KIF26B: variants seen among roughly 807,000 people sequenced by gnomAD.
KIF26B encodes kinesin-like protein KIF26B.
A neutral mutation model predicts 151.2 loss-of-function variants in KIF26B; 63 were observed. The ratio of observed to expected loss-of-function variants is 0.42; its 90% CI spans 0.34 to 0.51. The LOEUF (loss-of-function observed/expected upper bound fraction) is 0.51, where lower values mean the gene tolerates loss of function less well. Among genes scored for constraint, KIF26B ranks in the 20% least tolerant of loss-of-function variants. The pLI is 0.07. For missense variants in KIF26B, 2,813 were observed against 2,913.6 expected, an observed-to-expected ratio of 0.97 and a Z score of 0.79; for synonymous variants, 1,357 against 1,262.1, an observed-to-expected ratio of 1.08 and a Z score of -1.59.
At position 245,350,398 on chromosome 1, in the gene KIF26B, C is replaced by T. The variant is rs12752480; in HGVS notation, c.466-16436C>T. Among the ~76,000 whole-genome samples, 74 of 152,294 alleles carry T rather than the reference C, an allele frequency of 4.9e-4. No homozygotes were observed. The South Asian group carries it at 0.012, about 24-fold the overall frequency. The stretch of plus-strand genomic sequence containing the variant: ...CTCCACAGACCACCATGAAACCCTT[C>T]GACCTTTTCTGAAGTCTGCCTTACG... On this transcript the variant is annotated intron_variant, in intron 2 of 14. Transcript: ENST00000407071.
intron 4 of KIF26B, among the ~76,000 whole-genome samples, chr1:245,425,230 G>A (rs1658596039): frequency 6.6e-6 from 1 of 152,098 alleles, no homozygotes; most frequent in Non-Finnish European, 1.5e-5. Flanking sequence ...AAAACTCTTG[G>A]GTGAAACCCT....
At chr1:245,177,350 AT>A (rs1054374435) in intron 2 of KIF26B, among the ~76,000 whole-genome samples, 2 of 152,026 alleles carry the variant, frequency 1.3e-5, no homozygotes, top group African/African-American at 2.4e-5. Flanking sequence ...AAGAAACCCC[AT>A]TTTTTTACAT....
chr1:245,181,907 T>G lies in KIF26B; in HGVS notation c.465+25224T>G, dbSNP rs1240596681. Among the ~76,000 whole-genome samples, 3 of 152,122 alleles carry G rather than the reference T, an allele frequency of 2.0e-5. No homozygotes were observed. In the East Asian group the frequency reaches 5.8e-4, roughly 29 times the overall value. On this transcript the variant is annotated intron_variant, in intron 2 of 14. Transcript: ENST00000407071. The stretch of plus-strand genomic sequence containing the variant: ...AATTTTGAGGACCAGATAGTTTGGG[T>G]GCAGGCCTAACTGTTGTTCAGTTAG...
At chr1:245,499,582 T>A (rs1660579896) in intron 4 of KIF26B, among the ~76,000 whole-genome samples, 1 of 152,226 alleles carries the variant, frequency 6.6e-6, no homozygotes, top group Non-Finnish European at 1.5e-5. Flanking sequence ...TTATAGAGTA[T>A]AATTTGAGTA....
At position 245,366,916 on chromosome 1, in the gene KIF26B, G is replaced by A. The variant is rs1362317958; in HGVS notation, c.548G>A (p.Arg183His). 1.9e-6 allele frequency: 3 copies of A among 1,613,888 alleles called. No homozygotes were observed. Among genetic ancestry groups the A allele is most frequent in the East Asian group, 2.2e-5 (1 of 44,896 alleles). The part of the protein sequence containing the change: ...IRKAWNDRDN[R>H]CDICATHLNQ... ...AAGGCATGGAACGACCGGGACAACCGCTGTGACATTTGCGCCACTCACCTG... is the reference window on the plus strand; with the variant it reads ...AAGGCATGGAACGACCGGGACAACCACTGTGACATTTGCGCCACTCACCTG... Residue 183 changes from arginine to histidine, a missense_variant, in exon 3 of 15, where the codon CGC (arginine) becomes CAC (histidine). By Grantham distance (29) the Arg-to-His change is conservative. Coordinates refer to ENST00000407071, the MANE Select transcript of KIF26B (RefSeq NM_018012.4).
chr1:245,437,859 C>T (rs1658973083), intron 4 of KIF26B, among the ~76,000 whole-genome samples: 1 of 152,192 alleles, frequency 6.6e-6, no homozygotes, highest in Non-Finnish European at 1.5e-5. Context: ...GAAATCCAAT[C>T]AGTGATTCAC....
chr1:245,616,672 C>T (rs12043178), intron 9 of KIF26B, among the ~76,000 whole-genome samples: 4 of 151,980 alleles, frequency 2.6e-5, no homozygotes, highest in African/African-American at 7.3e-5. Context: ...CAACCCCTCA[C>T]GAGGTCAGGT....
At chr1:245,417,147 A>T (rs1572051710) in intron 3 of KIF26B, among the ~76,000 whole-genome samples, 1 of 152,184 alleles carries the variant, frequency 6.6e-6, no homozygotes. Context: ...GAAAATGTGC[A>T]GTTTTAATTT....
intron 3 of KIF26B, among the ~76,000 whole-genome samples, chr1:245,381,056 C>T (rs747517735): frequency 2.0e-4 from 30 of 151,988 alleles, no homozygotes; most frequent in South Asian, 4.2e-4. Flanking sequence ...AGAATCCCAC[C>T]GTAAAGTATT....
intron 3 of KIF26B, among the ~76,000 whole-genome samples, chr1:245,416,111 A>C (rs12131770): frequency 9.8e-6 from 1 of 102,344 alleles, no homozygotes; most frequent in Non-Finnish European, 2.1e-5. Context: ...TAGTAAAAAT[A>C]CAAAAAAAAA....
rs371947144 is a variant in KIF26B at position 245,602,783 on chromosome 1, G to A, written c.1557G>A (p.Gln519=). ...CAGTTTTTCCACAAGACGCTTCTCAGGTGGGTATCAGCCCCCTCTCAGGCT... is the reference window on the plus strand; with the variant it reads ...CAGTTTTTCCACAAGACGCTTCTCAAGTGGGTATCAGCCCCCTCTCAGGCT... The part of the protein sequence containing the change: ...FDAVFPQDAS[Q]AEVCAGTVAE... Residue 519 remains glutamine, a splice_region_variant and synonymous_variant, in exon 6 of 15, where the codon CAG becomes CAA. Transcript: ENST00000407071. This position sits in a 1 kb window ranked among gnomAD's most constrained non-coding sequence, Gnocchi z 4.5. 10 of 1,613,002 alleles carry A rather than the reference G, an allele frequency of 6.2e-6. No individual in the cohort carries two copies. The highest frequency in any genetic ancestry group is 8.5e-6 in the Non-Finnish European group (10 of 1,179,850).
At chr1:245,690,635 C>G (rs1455912678) in intron 12 of KIF26B, among the ~76,000 whole-genome samples, 1 of 152,218 alleles carries the variant, frequency 6.6e-6, no homozygotes, top group Non-Finnish European at 1.5e-5. Context: ...ACAGCCCCAT[C>G]CGCTCCCCTC....
intron 4 of KIF26B, among the ~76,000 whole-genome samples, chr1:245,486,972 G>GTCCCA: frequency 6.6e-6 from 1 of 152,206 alleles, no homozygotes; most frequent in Non-Finnish European, 1.5e-5. Flanking sequence ...CCTGTCCATA[G>GTCCCA]AACTGTCCCA....
At chr1:245,172,202 C>T (rs1573686635) in intron 2 of KIF26B, among the ~76,000 whole-genome samples, 1 of 151,418 alleles carries the variant, frequency 6.6e-6, no homozygotes, top group African/African-American at 2.5e-5. Flanking sequence ...GCCCTCAAGT[C>T]CCTCCCAGTC....
At chr1:245,408,360 T>TC in intron 3 of KIF26B, among the ~76,000 whole-genome samples, 1 of 146,946 alleles carries the variant, frequency 6.8e-6, no homozygotes, top group South Asian at 2.2e-4. Context: ...TTTTTTTTTT[T>TC]TTTTTTTTTT....
chr1:245,569,800 C>T (rs2043047089), intron 5 of KIF26B, among the ~76,000 whole-genome samples: 2 of 146,646 alleles, frequency 1.4e-5, no homozygotes, highest in African/African-American at 5.0e-5. Context: ...TCAAACAAAA[C>T]AAACAAACAA....
Position 245,706,195 on chromosome 1 carries a change from C to T in KIF26B, c.*3589C>T, listed in dbSNP as rs1002162529. 1.3e-5 allele frequency: 2 copies of T among 152,202 alleles called. No individual in the cohort carries two copies. Among genetic ancestry groups the T allele is most frequent in the African/African-American group, 4.8e-5 (2 of 41,442 alleles). 9.4% of individuals were successfully genotyped at this position (152,202 alleles called of 1,614,324 possible). On this transcript the variant is annotated 3_prime_UTR_variant, in exon 15 of 15. Transcript: ENST00000407071. ...ACTTCAGTCCAGCCGCATCTACCAT[C>T]CAGGGTGGAGGTTCAAAAAGTCTTA...
intron 3 of KIF26B, among the ~76,000 whole-genome samples, chr1:245,381,794 C>G (rs571217854): frequency 6.6e-6 from 1 of 152,006 alleles, no homozygotes; most frequent in Non-Finnish European, 1.5e-5. Context: ...TCTGACTGCT[C>G]TATGTACCTC....
chr1:245,676,498 A>T (rs2044358661), intron 10 of KIF26B: 1 of 152,254 alleles, frequency 6.6e-6, no homozygotes, highest in Admixed American at 6.5e-5. Flanking sequence ...AATTGGAGTT[A>T]CATCATATAT....
Sources: gnomAD v4.1 joint callset for allele counts (sites outside exome capture counted in the v4.1 genomes callset) on GRCh38, gnomAD v4.1.1 for gene constraint, Gnocchi (gnomAD v3.1) non-coding constraint, MANE v1.5 for transcripts, NCBI Gene and HGNC (gene_info 2026-07-23, HGNC 2026-07-21) for gene names.